The following PCDH15 variants were observed in gnomAD, a reference collection of about 807,000 sequenced individuals.
PCDH15 encodes the protein protocadherin related 15, also known as protocadherin-15.
Under a neutral mutation model 178.5 loss-of-function variants are expected in PCDH15, and 129 were observed. That is an observed-to-expected ratio of 0.72 (90% CI 0.63 to 0.84). The LOEUF (loss-of-function observed/expected upper bound fraction) is 0.84. PCDH15 is among the 40% of genes least tolerant of loss of function. PCDH15 has a pLI of 0.00. For missense variants in PCDH15, 2,230 were observed against 2,099.9 expected, an observed-to-expected ratio of 1.06 and a Z score of -1.21; for synonymous variants, 800 against 732.0, an observed-to-expected ratio of 1.09 and a Z score of -1.50.
chr10:54,036,943 CT>C (rs1430871618), intron 18 of PCDH15, among the ~76,000 whole-genome samples: 1 of 151,794 alleles, frequency 6.6e-6, no homozygotes, highest in Non-Finnish European at 1.5e-5. Context: ...TGATTTCTTC[CT>C]TCATGAATGA....
intron 25 of PCDH15, among the ~76,000 whole-genome samples, chr10:53,936,777 C>T (rs186881945): frequency 7.7e-4 from 117 of 152,158 alleles, no homozygotes; most frequent in Non-Finnish European, 1.4e-3. Flanking sequence ...ATGAATTACA[C>T]TTCTGATTTT....
chr10:54,764,941 G>A (rs1948329901), intron 1 of PCDH15, among the ~76,000 whole-genome samples: 2 of 151,982 alleles, frequency 1.3e-5, no homozygotes, highest in South Asian at 4.1e-4. Flanking sequence ...TTTTATTTAG[G>A]CATATTATAA....
intron 15 of PCDH15, among the ~76,000 whole-genome samples, chr10:54,112,617 C>A (rs1241138305): frequency 6.6e-6 from 1 of 152,126 alleles, no homozygotes; most frequent in Non-Finnish European, 1.5e-5. Flanking sequence ...TTCTACAGTC[C>A]TCCCCTGCTC....
intron 2 of PCDH15, among the ~76,000 whole-genome samples, chr10:55,059,465 C>A (rs1273362027): frequency 6.6e-6 from 1 of 152,038 alleles, no homozygotes; most frequent in Non-Finnish European, 1.5e-5. Flanking sequence ...AATTTTAATC[C>A]ATTATAGTTG....
intron 2 of PCDH15, among the ~76,000 whole-genome samples, chr10:55,343,153 G>T (rs552858305): frequency 3.9e-5 from 6 of 152,118 alleles, no homozygotes; most frequent in Non-Finnish European, 5.9e-5. Context: ...AACATTTAAT[G>T]ACTAGATATG....
intron 28 of PCDH15, among the ~76,000 whole-genome samples, chr10:53,849,839 C>T (rs1473167377): frequency 6.9e-5 from 8 of 115,328 alleles, no homozygotes; most frequent in Admixed American, 3.9e-4. Context: ...CCAGCCTGTG[C>T]GACAGAGGAA....
chr10:53,908,431 C>T (rs2082832225), intron 25 of PCDH15, among the ~76,000 whole-genome samples: 1 of 152,204 alleles, frequency 6.6e-6, no homozygotes, highest in Admixed American at 6.5e-5. Flanking sequence ...TAATGTGGAA[C>T]TTATCAAAAT....
chr10:54,380,543 CT>C (rs1949044123), intron 3 of PCDH15, among the ~76,000 whole-genome samples: 2 of 129,942 alleles, frequency 1.5e-5, no homozygotes, highest in South Asian at 5.4e-4. Flanking sequence ...ATCAAGAAAA[CT>C]TATGTACAAT....
Position 54,223,418 on chromosome 10 carries a change from A to G in PCDH15, c.986-9370T>C, listed in dbSNP as rs147538116. The stretch of plus-strand genomic sequence containing the variant: ...TTTAGCTCTTACATTATGTATAGAA[A>G]GTCTTTCAAGTTGGTTTCTATAGAT... On this transcript the variant is annotated intron_variant, in intron 9 of 37. Transcript: ENST00000644397. Among the ~76,000 whole-genome samples, 543 of 141,042 alleles carry G rather than the reference A, an allele frequency of 3.8e-3. 3 individuals carry two copies. Among genetic ancestry groups the G allele is most frequent in the African/African-American group, 0.013 (511 of 38,998 alleles). The allele number at this position is 141,042 out of a possible 152,430, so 92.5% of individuals were successfully genotyped here.
intron 2 of PCDH15, among the ~76,000 whole-genome samples, chr10:54,995,101 G>T (rs913453943): frequency 6.6e-6 from 1 of 152,066 alleles, no homozygotes; most frequent in African/African-American, 2.4e-5. Context: ...TTTAGGCCGG[G>T]CACGGTGGCT....
intron 2 of PCDH15, among the ~76,000 whole-genome samples, chr10:55,334,368 CG>C (rs1844319646): frequency 6.8e-6 from 1 of 147,248 alleles, no homozygotes; most frequent in African/African-American, 2.5e-5. Flanking sequence ...AGTGCAATGG[CG>C]TGATCTCGGC....
intron 1 of PCDH15, among the ~76,000 whole-genome samples, chr10:55,176,546 GAATC>G (rs1839492722): frequency 6.6e-6 from 1 of 152,096 alleles, no homozygotes; most frequent in Non-Finnish European, 1.5e-5. Context: ...GAAAAAGCTA[GAATC>G]AATCAATGAT....
intron 1 of PCDH15, among the ~76,000 whole-genome samples, chr10:54,792,011 A>G (rs1951462701): frequency 6.6e-6 from 1 of 151,878 alleles, no homozygotes; most frequent in African/African-American, 2.4e-5. Flanking sequence ...GACCCTGAGA[A>G]GTAGAAAGAA....
intron 2 of PCDH15, among the ~76,000 whole-genome samples, chr10:55,606,370 T>C (rs1198652991): frequency 6.9e-6 from 1 of 144,706 alleles, no homozygotes; most frequent in Admixed American, 7.1e-5. Context: ...TACCAATGCC[T>C]TTCTTCACAG....
At chr10:53,899,315 A>C (rs2082172452) in intron 26 of PCDH15, among the ~76,000 whole-genome samples, 2 of 152,188 alleles carry the variant, frequency 1.3e-5, no homozygotes, top group South Asian at 4.1e-4. Context: ...TTCAGAGCAG[A>C]TATACAATTG....
chr10:54,622,641 A>ATAATATATAATATAT (rs1203917573), intron 2 of PCDH15, among the ~76,000 whole-genome samples: 1 of 39,452 alleles, frequency 2.5e-5, no homozygotes, highest in African/African-American at 1.2e-4. Flanking sequence ...TATATTATAT[A>ATAATATATAATATAT]ATTATATATA....
intron 3 of PCDH15, among the ~76,000 whole-genome samples, chr10:54,858,737 T>A (rs1209217676): frequency 3.3e-5 from 5 of 151,996 alleles, no homozygotes; most frequent in African/African-American, 4.8e-5. Context: ...TTTATAAATA[T>A]TTTGATAAAA....
At position 54,708,988 on chromosome 10, in the gene PCDH15, G is replaced by A. The variant is rs191659030; in HGVS notation, c.-28-44698C>T. ...TTTACAATTTTTATCGCTTGAGTTA[G>A]ACATCATGTTGTAAAGTGAGTGCCT... On this transcript the variant is annotated intron_variant, in intron 1 of 37. Transcript: ENST00000644397. 1.3e-3 allele frequency among the ~76,000 whole-genome samples: 202 copies of A among 152,206 alleles called. 2 individuals carry two copies. The highest frequency in any genetic ancestry group is 2.4e-3 in the Non-Finnish European group (165 of 68,016).
intron 2 of PCDH15, among the ~76,000 whole-genome samples, chr10:55,418,059 A>C (rs571188767): frequency 6.6e-6 from 1 of 151,776 alleles, no homozygotes; most frequent in East Asian, 1.9e-4. Context: ...GGAAAATTCT[A>C]CCTTTGAAGT....
Sources: allele counts gnomAD v4.1 joint callset (sites outside exome capture counted in the v4.1 genomes callset), GRCh38; gene constraint gnomAD v4.1.1; transcripts MANE v1.5; gene names NCBI Gene and HGNC (gene_info 2026-07-23, HGNC 2026-07-21).